THAP4: variants seen among roughly 807,000 people sequenced by gnomAD.
THAP4 encodes the protein peroxynitrite isomerase THAP4.
THAP4 carries 18 observed loss-of-function variants against 48.1 expected under a neutral mutation model. The observed-to-expected ratio is 0.37, with a 90% confidence interval of 0.26 to 0.56. The LOEUF (loss-of-function observed/expected upper bound fraction) is 0.56, where lower values mean the gene tolerates loss of function less well. Among genes scored for constraint, THAP4 ranks in the 20% least tolerant of loss-of-function variants. The pLI, the probability that THAP4 is intolerant of heterozygous loss-of-function variation, is 0.78. For synonymous variants in THAP4, 345 were observed against 324.9 expected (o/e 1.06, Z -0.66); for missense variants, 656 against 774.9 (o/e 0.85, Z 1.82).
chr2:241,623,274 A>G (rs2067457108), intron 2 of THAP4, among the ~76,000 whole-genome samples: 1 of 149,866 alleles, frequency 6.7e-6, no homozygotes, highest in Non-Finnish European at 1.5e-5. Context: ...TGAATATAAA[A>G]ACATAGATTA....
intron 2 of THAP4, among the ~76,000 whole-genome samples, chr2:241,631,666 A>G (rs2067563206): frequency 6.6e-6 from 1 of 152,088 alleles, no homozygotes; most frequent in Non-Finnish European, 1.5e-5. Flanking sequence ...GGGTCTCCCT[A>G]TGTTGCCCAG....
At chr2:241,588,508 G>C (rs1004677937) in intron 5 of THAP4, among the ~76,000 whole-genome samples, 10 of 152,192 alleles carry the variant, frequency 6.6e-5, no homozygotes, top group African/African-American at 2.4e-4. Flanking sequence ...GAAAAGTTGG[G>C]TAACTTCTAT....
intron 2 of THAP4, among the ~76,000 whole-genome samples, chr2:241,614,768 A>G (rs2067317317): frequency 6.6e-6 from 1 of 152,162 alleles, no homozygotes; most frequent in Non-Finnish European, 1.5e-5. Flanking sequence ...GCATGCCTGT[A>G]ATCTCAGCTA....
At chr2:241,602,901 C>T (rs2067133474) in intron 4 of THAP4, 69 bp downstream of exon 4, 2 of 1,218,046 alleles carry the variant, frequency 1.6e-6, no homozygotes, top group South Asian at 1.2e-5. Flanking sequence ...GGCATCCCTG[C>T]ACCCCTGCTT....
At chr2:241,620,544 G>A (rs1359435360) in intron 2 of THAP4, among the ~76,000 whole-genome samples, 1 of 144,750 alleles carries the variant, frequency 6.9e-6, no homozygotes, top group African/African-American at 2.6e-5. Flanking sequence ...GGTGACTGAG[G>A]GGTGAGTGAG....
In THAP4 at chr2:241,601,824, G is replaced by A. The variant is rs781638190; in HGVS notation, c.1614+72C>T. ...GCAAGACACGCACTACCTCACGGAAGAGGAAGAGGCTGACTCCACAGACCG... is the reference window on the plus strand; with the variant it reads ...GCAAGACACGCACTACCTCACGGAAAAGGAAGAGGCTGACTCCACAGACCG... On this transcript the variant is annotated intron_variant, in intron 5 of 5. Coordinates refer to ENST00000407315, the MANE Select transcript of THAP4 (RefSeq NM_015963.6). This position sits in a 1 kb window ranked among gnomAD's most constrained non-coding sequence, Gnocchi z 4.0. 1.9e-6 allele frequency: 3 copies of A among 1,595,178 alleles called. No individual in the cohort carries two copies. The African/African-American group carries it at 4.0e-5, about 21-fold the overall frequency.
intron 5 of THAP4, chr2:241,592,019 A>T (rs1479905851): frequency 6.6e-6 from 1 of 152,252 alleles, no homozygotes; most frequent in Non-Finnish European, 1.5e-5. Context: ...TGTCAGCCAG[A>T]AAAGGCACAG....
Position 241,637,087 on chromosome 2 carries a change from A to T in THAP4, c.-70T>A. The T allele has an allele frequency of 9.7e-7, 1 of 1,035,050 alleles. No homozygotes were observed. The highest frequency in any genetic ancestry group is 1.2e-6 in the Non-Finnish European group (1 of 865,154). 64.1% of individuals were successfully genotyped at this position (1,035,050 alleles called of 1,614,324 possible). ...GCCCGCCCGCCCGCGGACCGCCCCG[A>T]GGGAGGGAGCGCGGCGGCGACACGG... On this transcript the variant is annotated 5_prime_UTR_variant, in exon 1 of 6. Coordinates refer to ENST00000407315, the MANE Select transcript of THAP4 (RefSeq NM_015963.6).
chr2:241,633,003 C>T lies in THAP4; in HGVS notation c.1154G>A (p.Ser385Asn). 6.2e-7 allele frequency: 1 copy of T among 1,613,738 alleles called. No homozygotes were observed. The highest frequency in any genetic ancestry group is 8.5e-7 in the Non-Finnish European group (1 of 1,179,928). The change falls in exon 2 of 6, where the codon AGC (serine) becomes AAC (asparagine). Residue 385 changes from serine (S) to asparagine (N), a missense_variant. Ser to Asn is a conservative substitution (Grantham distance 46, BLOSUM62 1). Around this residue, in one of 4 missense-constraint regions of THAP4, gnomAD observed 391 missense variants for 412.4 expected, o/e 0.95. Coordinates refer to ENST00000407315, the MANE Select transcript of THAP4 (RefSeq NM_015963.6). This position sits in a 1 kb window ranked among gnomAD's most constrained non-coding sequence, Gnocchi z 7.5. ...CTTCTCCTGTAGCTTCCGCACCTGG[C>T]TGTCGGAGCGGCTGACCCTCTGCCG... is the stretch of plus-strand genomic sequence containing the variant. ...SLRQRVSRSD[S>N]QVRKLQEKLD...
chr2:241,637,249 G>A (rs1216344396), upstream of THAP4: 1 of 1,043,552 alleles, frequency 9.6e-7, no homozygotes. Context: ...TCGGACCAGC[G>A]GGGCGCCGCA....
At chr2:241,596,007 C>T (rs1015384471) in intron 5 of THAP4, among the ~76,000 whole-genome samples, 5 of 152,206 alleles carry the variant, frequency 3.3e-5, no homozygotes, top group African/African-American at 1.2e-4. Context: ...AAGCTCACAC[C>T]TGTTTCCTCC....
chr2:241,585,930 G>GAAAAAAAAAAAAAAAAAAAAAAAAAAA (rs1247935159), intron 5 of THAP4, among the ~76,000 whole-genome samples: 1 of 108,992 alleles, frequency 9.2e-6, no homozygotes, highest in Non-Finnish European at 1.8e-5. Context: ...AAAAAAAAAA[G>GAAAAAAAAAAAAAAAAAAAAAAAAAAA]AAAAAAAAAA....
chr2:241,598,883 C>T (rs2067080716), intron 5 of THAP4, among the ~76,000 whole-genome samples: 1 of 151,578 alleles, frequency 6.6e-6, no homozygotes. Context: ...ATCTTCTTAA[C>T]CTGAAAAAGA....
chr2:241,623,986 G>A (rs2067465705), intron 2 of THAP4, among the ~76,000 whole-genome samples: 1 of 152,124 alleles, frequency 6.6e-6, no homozygotes, highest in African/African-American at 2.4e-5. Flanking sequence ...ACATCCCACA[G>A]GTTAAGGGCT....
In THAP4 at chr2:241,635,257, C is replaced by G. The variant is rs143288224; in HGVS notation, c.78-1178G>C. Reference sequence around the variant, plus strand: ...CTACGGTCATACCATTGCACTCCAGCCTGGGTGACAGAGTGGGACTCTGTC... The same window carrying G: ...CTACGGTCATACCATTGCACTCCAGGCTGGGTGACAGAGTGGGACTCTGTC... On this transcript the variant is annotated intron_variant, in intron 1 of 5. Coordinates refer to ENST00000407315, the MANE Select transcript of THAP4 (RefSeq NM_015963.6). 1.4e-4 allele frequency among the ~76,000 whole-genome samples: 21 copies of G among 152,206 alleles called. No individual in the cohort carries two copies. The East Asian group carries it at 4.1e-3, about 29-fold the overall frequency.
intron 2 of THAP4, chr2:241,617,316 T>G: frequency 1.1e-6 from 1 of 889,466 alleles, no homozygotes; most frequent in Non-Finnish European, 1.8e-6. Flanking sequence ...TTTCTTTTAT[T>G]GAAATCTCAA....
chr2:241,613,865 T>C (rs1396242664), intron 2 of THAP4, among the ~76,000 whole-genome samples: 1 of 151,920 alleles, frequency 6.6e-6, no homozygotes, highest in African/African-American at 2.4e-5. Flanking sequence ...GAAAAAGCTT[T>C]TCAAGGCCGG....
At chr2:241,608,896 G>A (rs1162650030) in intron 2 of THAP4, among the ~76,000 whole-genome samples, 2 of 152,234 alleles carry the variant, frequency 1.3e-5, no homozygotes, top group African/African-American at 4.8e-5. Context: ...CAGCTACCCT[G>A]GAGAAGAGCA....
At chr2:241,619,077 C>T (rs939070417) in intron 2 of THAP4, among the ~76,000 whole-genome samples, 3 of 152,168 alleles carry the variant, frequency 2.0e-5, no homozygotes, top group Non-Finnish European at 4.4e-5. Context: ...CACTGAAGGG[C>T]TTAAATCGAG....
Sources: allele counts gnomAD v4.1 joint callset (sites outside exome capture counted in the v4.1 genomes callset), GRCh38; gene constraint gnomAD v4.1.1; regional missense constraint gnomAD v4.1.1; non-coding constraint Gnocchi (gnomAD v3.1); transcripts MANE v1.5; gene names NCBI Gene and HGNC (gene_info 2026-07-23, HGNC 2026-07-21).